Variants in OSBPL8 observed in about 807,000 individuals in gnomAD.
OSBPL8 encodes oxysterol binding protein like 8, also known as oxysterol-binding protein-related protein 8.
OSBPL8 carries 59 observed loss-of-function variants against 125.5 expected under a neutral mutation model. That is an observed-to-expected ratio of 0.47 (90% CI 0.38 to 0.58). The LOEUF is 0.58. Among genes scored for constraint, OSBPL8 ranks in the 20% least tolerant of loss-of-function variants. The pLI, the probability that OSBPL8 is intolerant of heterozygous loss-of-function variation, is 0.00. For synonymous variants in OSBPL8, 330 were observed against 338.9 expected (o/e 0.97, Z 0.29); for missense variants, 758 against 1,047.8 (o/e 0.72, Z 3.82).
intron 1 of OSBPL8, among the ~76,000 whole-genome samples, chr12:76,502,323 C>T (rs919627923): frequency 1.3e-5 from 2 of 152,162 alleles, no homozygotes; most frequent in Non-Finnish European, 2.9e-5. Context: ...CTTTGCCAGT[C>T]TGGAGGTCTT....
At chr12:76,417,648 C>T (rs371164334) in intron 4 of OSBPL8, among the ~76,000 whole-genome samples, 40 of 152,134 alleles carry the variant, frequency 2.6e-4, no homozygotes, top group African/African-American at 8.0e-4. Flanking sequence ...GTATGTACAC[C>T]GAGTTTTAAA....
chr12:76,489,173 A>T (rs994407355), intron 1 of OSBPL8, among the ~76,000 whole-genome samples: 4 of 152,210 alleles, frequency 2.6e-5, no homozygotes, highest in Non-Finnish European at 5.9e-5. Context: ...AGGTTTAAGG[A>T]AAGAAGCCAT....
intron 4 of OSBPL8, among the ~76,000 whole-genome samples, chr12:76,438,366 G>A (rs1187107716): frequency 1.3e-5 from 2 of 151,042 alleles, no homozygotes; most frequent in East Asian, 2.0e-4. Flanking sequence ...GCAGTGGTGC[G>A]ATTACGGCTC....
intron 4 of OSBPL8, among the ~76,000 whole-genome samples, chr12:76,411,295 A>T (rs1405140482): frequency 6.6e-6 from 1 of 152,306 alleles, no homozygotes; most frequent in East Asian, 1.9e-4. Flanking sequence ...AATTACTATT[A>T]CAAAGGTACA....
At chr12:76,478,808 G>A (rs1012387936) in intron 2 of OSBPL8, among the ~76,000 whole-genome samples, 5 of 152,090 alleles carry the variant, frequency 3.3e-5, no homozygotes, top group Admixed American at 6.6e-5. Context: ...GTAACAGGCC[G>A]GGCACAGTGG....
chr12:76,525,668 C>T (rs1370478614), intron 1 of OSBPL8, among the ~76,000 whole-genome samples: 2 of 151,842 alleles, frequency 1.3e-5, no homozygotes, highest in African/African-American at 4.8e-5. Context: ...AATTATTGGA[C>T]AGAGGAACTG....
intron 2 of OSBPL8, 47 bp from the exon 3 acceptor site, chr12:76,459,942 AG>A: frequency 6.3e-7 from 1 of 1,598,682 alleles, no homozygotes; most frequent in Non-Finnish European, 8.6e-7. Context: ...AGTCCAAATC[AG>A]GAAGAAGCAA....
chr12:76,497,840 T>TA (rs1879438174), intron 1 of OSBPL8, among the ~76,000 whole-genome samples: 3 of 152,228 alleles, frequency 2.0e-5, no homozygotes, highest in Admixed American at 2.0e-4. Context: ...CTTCTCTCCA[T>TA]AACTTGTACA....
intron 16 of OSBPL8, among the ~76,000 whole-genome samples, chr12:76,375,644 A>T (rs376777439): frequency 1.3e-5 from 2 of 152,028 alleles, no homozygotes; most frequent in Non-Finnish European, 2.9e-5. Flanking sequence ...ATTTGGAGAC[A>T]TGTGCAGAGT....
intron 14 of OSBPL8, chr12:76,385,913 A>G: frequency 2.9e-6 from 1 of 349,374 alleles, no homozygotes. Flanking sequence ...AAAAATTAAA[A>G]AAAGGGCAGG....
At chr12:76,401,728 CA>C (rs1351694400) in intron 6 of OSBPL8, among the ~76,000 whole-genome samples, 1 of 152,118 alleles carries the variant, frequency 6.6e-6, no homozygotes, top group African/African-American at 2.4e-5. Flanking sequence ...AAGAATGCCA[CA>C]ACTGTTTGCA....
At chr12:76,467,117 G>T in intron 2 of OSBPL8, among the ~76,000 whole-genome samples, 1 of 151,270 alleles carries the variant, frequency 6.6e-6, no homozygotes, top group East Asian at 1.9e-4. Flanking sequence ...GTATGTATCA[G>T]TCTTCTTTAT....
intron 4 of OSBPL8, among the ~76,000 whole-genome samples, chr12:76,420,405 G>A (rs1439414918): frequency 6.6e-6 from 1 of 152,006 alleles, no homozygotes; most frequent in Non-Finnish European, 1.5e-5. Flanking sequence ...TAACAGCTGA[G>A]ATCAAGAGAT....
intron 6 of OSBPL8, among the ~76,000 whole-genome samples, chr12:76,400,375 C>A (rs1781317737): frequency 1.3e-5 from 2 of 152,154 alleles, no homozygotes; most frequent in African/African-American, 4.8e-5. Context: ...CATGGTGTAC[C>A]ACGTTTTCTT....
Position 76,369,225 on chromosome 12 carries a change from G to A in OSBPL8, c.2317C>T (p.Arg773Cys), listed in dbSNP as rs371899754. Residue 773 changes from arginine to cysteine, a missense_variant, in exon 21 of 24, where the codon CGT becomes TGT. Physicochemically the swap from Arg to Cys is radical, Grantham distance 180 (BLOSUM62 -3). Around this residue, in one of 3 missense-constraint regions of OSBPL8, gnomAD observed 572 missense variants for 762.0 expected, o/e 0.75. Coordinates refer to ENST00000261183, the MANE Select transcript of OSBPL8 (RefSeq NM_020841.5). ...TTTTTATTACATACCATTGGAGTAC[G>A]ATGTTTCACTTTGGTCTGAATAACA... is the stretch of plus-strand genomic sequence containing the variant. ...DGVIQTKVKH[R>C]TPMVSVPKMK... The A allele has an allele frequency of 7.5e-6, 12 of 1,609,116 alleles. No homozygotes were observed. The Admixed American group carries it at 8.4e-5, about 11-fold the overall frequency.
At chr12:76,451,611 C>T (rs953533548) in intron 3 of OSBPL8, among the ~76,000 whole-genome samples, 3 of 152,170 alleles carry the variant, frequency 2.0e-5, no homozygotes, top group African/African-American at 7.2e-5. Context: ...TCTCTTAAAG[C>T]TTGCTGCCCC....
At chr12:76,373,295 TCCCACAGAA>T in intron 18 of OSBPL8, 40 bp downstream of exon 18, 1 of 1,233,908 alleles carries the variant, frequency 8.1e-7, no homozygotes, top group Admixed American at 2.3e-5. Flanking sequence ...ATTTTTTTTT[TCCCACAGAA>T]TAAAATTCTT....
intron 15 of OSBPL8, among the ~76,000 whole-genome samples, chr12:76,380,583 A>G (rs1162725527): frequency 6.6e-6 from 1 of 151,618 alleles, no homozygotes; most frequent in Non-Finnish European, 1.5e-5. Flanking sequence ...ATATAGAAAT[A>G]CAACTGATTT....
chr12:76,356,506 T>C (rs528184053), intron 23 of OSBPL8, 120 bp downstream of exon 23: 55 of 625,984 alleles, frequency 8.8e-5, no homozygotes, highest in Non-Finnish European at 9.9e-5. Flanking sequence ...AGGCTAAACA[T>C]TGTATTTTAG....
Sources: gnomAD v4.1 joint callset for allele counts (sites outside exome capture counted in the v4.1 genomes callset) on GRCh38, gnomAD v4.1.1 for gene constraint, gnomAD v4.1.1 regional missense constraint, MANE v1.5 for transcripts, NCBI Gene and HGNC (gene_info 2026-07-23, HGNC 2026-07-21) for gene names.